The following ADGRB1 variants were observed in gnomAD, a reference collection of about 807,000 sequenced individuals.
The protein encoded by ADGRB1 is brain-specific angiogenesis inhibitor 1.
In ADGRB1, 36 loss-of-function variants were observed where a neutral mutation model predicts 175.7. The ratio of observed to expected loss-of-function variants is 0.20; its 90% CI spans 0.16 to 0.27. The LOEUF (loss-of-function observed/expected upper bound fraction) is 0.27. Ranked by LOEUF, ADGRB1 falls within the 10% of genes least tolerant of loss-of-function variation. The probability of loss-of-function intolerance (pLI) is 1.00; values close to 1 mark genes in which losing one functional copy is unlikely to be tolerated. For synonymous variants in ADGRB1, 1,054 were observed against 979.4 expected (o/e 1.08, Z -1.42); for missense variants, 1,731 against 2,255.3 (o/e 0.77, Z 4.71).
At chr8:142,529,832 GTGTA>G (rs576571564) in intron 24 of ADGRB1, among the ~76,000 whole-genome samples, 73 of 151,116 alleles carry the variant, frequency 4.8e-4, no homozygotes, top group African/African-American at 1.6e-3. Flanking sequence ...AACCCGGTGT[GTGTA>G]TGTGTGAGTG....
At chr8:142,491,114 C>T (rs796690010) in intron 17 of ADGRB1, among the ~76,000 whole-genome samples, 1 of 152,328 alleles carries the variant, frequency 6.6e-6, no homozygotes, top group African/African-American at 2.4e-5. Context: ...CAGCCCCCAG[C>T]CCCATGCCCA....
In ADGRB1 at chr8:142,484,679, G is replaced by T. The variant is rs1292062412; in HGVS notation, c.2223G>T (p.Leu741=). The change falls in exon 13 of 31, where the codon CTG becomes CTT. Residue 741 remains leucine, a synonymous_variant. Coordinates refer to ENST00000517894, the MANE Select transcript of ADGRB1 (RefSeq NM_001702.3). The stretch of plus-strand genomic sequence containing the variant: ...AGGCGGGCCCCAACGCCAAGGAGCT[G>T]TTCCGGCTGGTGGAGGACTTTGTGG... ...AQLAGPNAKE[L]FRLVEDFVDV... 1.2e-6 allele frequency: 2 copies of T among 1,611,392 alleles called. No individual in the cohort carries two copies. The highest frequency in any genetic ancestry group is 2.2e-5 in the South Asian group (2 of 90,354).
chr8:142,542,726 AC>A lies in ADGRB1; in HGVS notation c.4413+84del. On this transcript the variant is annotated intron_variant, in intron 28 of 30. Coordinates refer to ENST00000517894, the MANE Select transcript of ADGRB1 (RefSeq NM_001702.3). This position sits in a 1 kb window ranked among gnomAD's most constrained non-coding sequence, Gnocchi z 6.3. The stretch of plus-strand genomic sequence containing the variant: ...AGCTGGGTCACCCCTGCTGGGTGGG[AC>A]CCCCACGCCGTCAGCGGGGCGGGCT... 3 of 1,322,046 alleles carry A rather than the reference AC, an allele frequency of 2.3e-6. No homozygotes were observed. The highest frequency in any genetic ancestry group is 1.4e-5 in the South Asian group (1 of 69,358). 81.9% of individuals were successfully genotyped at this position (1,322,046 alleles called of 1,614,324 possible).
rs1284466532 is a variant in ADGRB1 at position 142,510,754 on chromosome 8, C to G, written c.2676-178C>G. Among the ~76,000 whole-genome samples, 1 of 143,744 alleles carries G rather than the reference C, an allele frequency of 7.0e-6. No individual in the cohort carries two copies. The highest frequency in any genetic ancestry group is 1.5e-5 in the Non-Finnish European group (1 of 64,992). 94.3% of individuals were successfully genotyped at this position (143,744 alleles called of 152,430 possible). The stretch of plus-strand genomic sequence containing the variant: ...GGGCGCAGAGCGCGGCATGGGCGCC[C>G]GGGCCGCGGGGCCTGGCGGCGGCGG... On this transcript the variant is annotated intron_variant, in intron 17 of 30. Transcript: ENST00000517894. The surrounding 1 kb of genome is among the most constrained non-coding windows in gnomAD (Gnocchi z 6.3).
Position 142,537,058 on chromosome 8 carries a change from C to T in ADGRB1, c.3642C>T (p.Phe1214=). ...EEGNGDSGGS[F]QNGHAQLMTD... is the part of the protein sequence containing the mutation. The stretch of plus-strand genomic sequence containing the variant: ...GCAACGGGGACTCAGGGGGCTCCTT[C>T]CAGAACGGCCACGCCCAGCTCATGG... The change falls in exon 26 of 31, where the codon TTC becomes TTT. Residue 1214 remains phenylalanine, a synonymous_variant. Coordinates refer to ENST00000517894, the MANE Select transcript of ADGRB1 (RefSeq NM_001702.3). This position sits in a 1 kb window ranked among gnomAD's most constrained non-coding sequence, Gnocchi z 4.6. The T allele has an allele frequency of 6.4e-7, 1 of 1,572,558 alleles. No individual in the cohort carries two copies.
rs1207979331 is a variant in ADGRB1, at chr8:142,502,451, TGGGG to T, written c.2676-8480_2676-8477del. Among the ~76,000 whole-genome samples the T allele has an allele frequency of 6.8e-4, 58 of 84,940 alleles. 27 individuals are homozygous for T. The highest frequency in any genetic ancestry group is 1.0e-3 in the Non-Finnish European group (43 of 41,166). 55.7% of individuals were successfully genotyped at this position (84,940 alleles called of 152,430 possible). A position where few individuals can be genotyped will look rare whatever the true frequency, so the allele number is the denominator to read the frequency against. On this transcript the variant is annotated intron_variant, in intron 17 of 30. Coordinates refer to ENST00000517894, the MANE Select transcript of ADGRB1 (RefSeq NM_001702.3). ...GTGGTGGTGGTAGTGGTGGTGATGA[TGGGG>T]TGGTGCAGTCATCACTGTGGTTTTG...
At chr8:142,541,185 G>C (rs1177722122) in intron 27 of ADGRB1, among the ~76,000 whole-genome samples, 1 of 152,024 alleles carries the variant, frequency 6.6e-6, no homozygotes, top group Non-Finnish European at 1.5e-5. Flanking sequence ...GTGGAGGGTG[G>C]GCACCCCTCT....
In ADGRB1 at chr8:142,511,044, G is replaced by A; in HGVS notation, c.2788G>A (p.Ala930Thr). The A allele has an allele frequency of 3.9e-6, 5 of 1,291,578 alleles. No homozygotes were observed. The highest frequency in any genetic ancestry group is 3.0e-5 in the South Asian group (2 of 67,126). The allele number at this position is 1,291,578 out of a possible 1,614,324, so 80.0% of individuals were successfully genotyped here. ...CCTCTGTGACCGGCTCTCCACCTTCGCCATCTTAGCCCAGCTCAGCGCCGA... is the reference window on the plus strand; with the variant it reads ...CCTCTGTGACCGGCTCTCCACCTTCACCATCTTAGCCCAGCTCAGCGCCGA... ...RCLCDRLSTF[A>T]ILAQLSADAN... The change falls in exon 18 of 31, where the codon GCC becomes ACC. Residue 930 changes from alanine to threonine, a missense_variant. Physicochemically the swap from Ala to Thr is moderately conservative, Grantham distance 58. Coordinates refer to ENST00000517894, the MANE Select transcript of ADGRB1 (RefSeq NM_001702.3). This position sits in a 1 kb window ranked among gnomAD's most constrained non-coding sequence, Gnocchi z 4.5.
At chr8:142,527,943 G>A (rs1453595101) in intron 24 of ADGRB1, among the ~76,000 whole-genome samples, 1 of 152,240 alleles carries the variant, frequency 6.6e-6, no homozygotes, top group Non-Finnish European at 1.5e-5. Context: ...CTAAGCCCAG[G>A]CGGCCTGCAC....
intron 25 of ADGRB1, among the ~76,000 whole-genome samples, chr8:142,534,347 T>A (rs1434972483): frequency 6.6e-6 from 1 of 152,216 alleles, no homozygotes; most frequent in African/African-American, 2.4e-5. Context: ...GGCTGCCCTC[T>A]TGGCCTCCGC....
intron 6 of ADGRB1, 40 bp from the exon 7 acceptor site, chr8:142,478,147 C>T (rs545684409): frequency 2.0e-5 from 32 of 1,570,168 alleles, no homozygotes; most frequent in South Asian, 1.3e-4. Context: ...ATTGGGGTGC[C>T]GGGTGTTCAC....
Position 142,544,494 on chromosome 8 carries a change from GAC to G in ADGRB1, c.*80_*81del. 3 of 1,399,032 alleles carry G rather than the reference GAC, an allele frequency of 2.1e-6. No homozygotes were observed. The highest frequency in any genetic ancestry group is 2.8e-6 in the Non-Finnish European group (3 of 1,079,348). 86.7% of individuals were successfully genotyped at this position (1,399,032 alleles called of 1,614,324 possible). On this transcript the variant is annotated 3_prime_UTR_variant, in exon 31 of 31. Transcript: ENST00000517894. ...CCCGCTCCTGCCGCAGACGGGCACA[GAC>G]ACGCTCGCGGGCAGCGGGCCAGGCC...
At position 142,542,768 on chromosome 8, in the gene ADGRB1, C is replaced by A; in HGVS notation, c.4413+121C>A. 1 of 883,614 alleles carries A rather than the reference C, an allele frequency of 1.1e-6. No individual in the cohort carries two copies. 54.7% of individuals were successfully genotyped at this position (883,614 alleles called of 1,614,324 possible). A position where few individuals can be genotyped will look rare whatever the true frequency, so the allele number is the denominator to read the frequency against. The stretch of plus-strand genomic sequence containing the variant: ...GGGGCGGGCTGGCTCTGCCTCCTAG[C>A]TACACCCCCCACCCCTGGCCCTGCT... On this transcript the variant is annotated intron_variant, in intron 28 of 30. Coordinates refer to ENST00000517894, the MANE Select transcript of ADGRB1 (RefSeq NM_001702.3). The surrounding 1 kb of genome is among the most constrained non-coding windows in gnomAD (Gnocchi z 6.3).
At chr8:142,525,690 C>T (rs778309674) in intron 23 of ADGRB1, among the ~76,000 whole-genome samples, 3 of 152,154 alleles carry the variant, frequency 2.0e-5, no homozygotes, top group Non-Finnish European at 4.4e-5. Flanking sequence ...GGTCTACCAC[C>T]CTGGTCTTCT....
At position 142,511,530 on chromosome 8, in the gene ADGRB1, A is replaced by G. The variant is rs796669430; in HGVS notation, c.2817+457A>G. Among the ~76,000 whole-genome samples, 16 of 152,214 alleles carry G rather than the reference A, an allele frequency of 1.1e-4. No individual in the cohort carries two copies. Among genetic ancestry groups the G allele is most frequent in the African/African-American group, 3.9e-4 (16 of 41,546 alleles). ...GAGCCCTTCGACCCACCCCAAGTAG[A>G]GCCTGGTCCGTGGAGGAGGAGGTGG... On this transcript the variant is annotated intron_variant, in intron 18 of 30. Transcript: ENST00000517894. The surrounding 1 kb of genome is among the most constrained non-coding windows in gnomAD (Gnocchi z 4.5).
In ADGRB1 at chr8:142,520,934, C is replaced by A. The variant is rs748229272; in HGVS notation, c.3024+9C>A. The stretch of plus-strand genomic sequence containing the variant: ...CCCAGACCCGCAACAAGGTAGGCAG[C>A]CTTGCGTCCTGCCATGCACTTCCCA... On this transcript the variant is annotated intron_variant, in intron 20 of 30. Transcript: ENST00000517894. 6.2e-7 allele frequency: 1 copy of A among 1,607,406 alleles called. No individual in the cohort carries two copies. Among genetic ancestry groups the A allele is most frequent in the South Asian group, 1.1e-5 (1 of 90,912 alleles).
At chr8:142,465,240 G>T (rs1373354222) in intron 2 of ADGRB1, among the ~76,000 whole-genome samples, 1 of 152,222 alleles carries the variant, frequency 6.6e-6, no homozygotes, top group Non-Finnish European at 1.5e-5. Flanking sequence ...AAGAGTGAAG[G>T]TCACTGCAGG....
intron 24 of ADGRB1, among the ~76,000 whole-genome samples, chr8:142,532,068 C>T (rs1844651567): frequency 6.6e-6 from 1 of 152,180 alleles, no homozygotes; most frequent in African/African-American, 2.4e-5. Context: ...GTGCCAGCTC[C>T]TGCCTGGCAT....
At chr8:142,484,607 AG>A (rs781514321) in intron 12 of ADGRB1, 48 bp from the exon 13 acceptor site, 3 of 1,527,676 alleles carry the variant, frequency 2.0e-6, no homozygotes, top group Non-Finnish European at 2.7e-6. Context: ...GCAGGGGCTA[AG>A]GGACAGTGGG....
Sources: allele counts gnomAD v4.1 joint callset (sites outside exome capture counted in the v4.1 genomes callset), GRCh38; gene constraint gnomAD v4.1.1; non-coding constraint Gnocchi (gnomAD v3.1); transcripts MANE v1.5; gene names NCBI Gene and HGNC (gene_info 2026-07-23, HGNC 2026-07-21).